The following DST variants were observed in gnomAD, a reference collection of about 807,000 sequenced individuals.
DST encodes bullous pemphigoid antigen.
In DST, 253 loss-of-function variants were observed where a neutral mutation model predicts 875.2. The ratio of observed to expected loss-of-function variants is 0.29; its 90% CI spans 0.26 to 0.32. The LOEUF is 0.32. DST is among the 10% of genes least tolerant of loss of function. The pLI, the probability that DST is intolerant of heterozygous loss-of-function variation, is 1.00. For synonymous variants in DST, 3,124 were observed against 3,197.1 expected (o/e 0.98, Z 0.77); for missense variants, 8,287 against 9,111.6 (o/e 0.91, Z 3.68).
chr6:56,630,470 A>T, intron 30 of DST, 87 bp from the exon 31 acceptor site: 9 of 1,139,232 alleles, frequency 7.9e-6, no homozygotes, highest in South Asian at 1.3e-5. Flanking sequence ...ATGACACATG[A>T]CATAACATGT....
chr6:56,669,350 C>T (rs899745745), intron 10 of DST, among the ~76,000 whole-genome samples: 18 of 149,458 alleles, frequency 1.2e-4, no homozygotes, highest in Non-Finnish European at 2.1e-4. Flanking sequence ...AATCCTAGCA[C>T]TTTGGGAGGC....
rs180773742 is a variant in DST at position 56,529,492 on chromosome 6, C to T, written c.17551G>A (p.Asp5851Asn). The part of the protein sequence containing the change: ...HDKLSKLSVQ[D>N]YSTEGLWKQQ... Reference sequence around the variant, plus strand: ...TTCCATAGCCCCTCAGTGCTGTAATCCTGGACTGAGAGCTTGCTCAGTTTG... The same window carrying T: ...TTCCATAGCCCCTCAGTGCTGTAATTCTGGACTGAGAGCTTGCTCAGTTTG... The change falls in exon 66 of 104, where the codon GAT becomes AAT. Residue 5851 changes from aspartate to asparagine, a missense_variant. By Grantham distance (23) the Asp-to-Asn change is conservative. Transcript: ENST00000680361. The T allele has an allele frequency of 8.1e-6, 13 of 1,604,530 alleles. No individual in the cohort carries two copies. The highest frequency in any genetic ancestry group is 1.3e-5 in the African/African-American group (1 of 74,768).
At chr6:56,754,010 A>G (rs532152197) in intron 4 of DST, among the ~76,000 whole-genome samples, 3 of 152,192 alleles carry the variant, frequency 2.0e-5, no homozygotes, top group Non-Finnish European at 4.4e-5. Flanking sequence ...GCTTCTTAAA[A>G]TGGAGCTTTT....
chr6:56,587,978 C>A (rs371848328), intron 49 of DST, among the ~76,000 whole-genome samples: 2 of 152,002 alleles, frequency 1.3e-5, no homozygotes, highest in South Asian at 2.1e-4. Flanking sequence ...TAAAGACCAT[C>A]GAGACTAGGA....
intron 4 of DST, among the ~76,000 whole-genome samples, chr6:56,763,744 T>TG (rs886550523): frequency 1.1e-5 from 1 of 95,078 alleles, no homozygotes; most frequent in Non-Finnish European, 2.1e-5. Flanking sequence ...TGGGTGGGGG[T>TG]GGGGGGGAGA....
intron 4 of DST, among the ~76,000 whole-genome samples, chr6:56,767,654 TAAAA>T (rs2099637404): frequency 8.4e-6 from 1 of 119,148 alleles, no homozygotes; most frequent in Admixed American, 8.5e-5. Flanking sequence ...AATAAATAAA[TAAAA>T]CAAATAAGTA....
chr6:56,953,555 G>A (rs936172861), intron 2 of DST, among the ~76,000 whole-genome samples: 2 of 152,158 alleles, frequency 1.3e-5, no homozygotes, highest in African/African-American at 2.4e-5. Context: ...CACTTTTAGG[G>A]TTTGCCTTTT....
At chr6:56,630,785 CT>C (rs113335666) in intron 30 of DST, among the ~76,000 whole-genome samples, 421 of 142,900 alleles carry the variant, frequency 2.9e-3, no homozygotes, top group Middle Eastern at 7.3e-3. Flanking sequence ...TAATGTATTT[CT>C]TTTTTTTTTT....
chr6:56,856,021 T>C (rs1023839339), intron 3 of DST, among the ~76,000 whole-genome samples: 1 of 152,234 alleles, frequency 6.6e-6, no homozygotes, highest in Non-Finnish European at 1.5e-5. Flanking sequence ...TACTATATTG[T>C]GTCTTCTACA....
chr6:56,608,745 T>C lies in DST; in HGVS notation c.5883A>G (p.Leu1961=). 6.2e-7 allele frequency: 1 copy of C among 1,610,062 alleles called. No individual in the cohort carries two copies. Among genetic ancestry groups the C allele is most frequent in the Non-Finnish European group, 8.5e-7 (1 of 1,177,984 alleles). The part of the protein sequence containing the change: ...VRPQEGGRIT[L]KCGRNISILR... ...AAATGCTTATGTTTCTTCCACATTT[T>C]AATGTTATTCTACCTCCTTCTTGTG... The change falls in exon 40 of 104, where the codon TTA becomes TTG. Residue 1961 remains leucine, a synonymous_variant. Transcript: ENST00000680361.
chr6:56,675,101 C>A (rs1195466018), intron 9 of DST, among the ~76,000 whole-genome samples: 1 of 152,164 alleles, frequency 6.6e-6, no homozygotes, highest in Non-Finnish European at 1.5e-5. Context: ...AGAAATAAAC[C>A]ATGCATTTAT....
At chr6:56,943,184 T>C (rs937652012) in intron 2 of DST, among the ~76,000 whole-genome samples, 4 of 152,234 alleles carry the variant, frequency 2.6e-5, no homozygotes, top group Non-Finnish European at 5.9e-5. Context: ...TTATGACAGT[T>C]AAAGCAATAC....
chr6:56,517,303 T>C lies in DST; in HGVS notation c.18252A>G (p.Thr6084=). The C allele has an allele frequency of 1.2e-6, 2 of 1,609,876 alleles. No homozygotes were observed. The highest frequency in any genetic ancestry group is 1.7e-6 in the Non-Finnish European group (2 of 1,177,862). The change falls in exon 71 of 104, where the codon ACA becomes ACG. Residue 6084 remains threonine, a splice_region_variant and synonymous_variant. Transcript: ENST00000680361. ...TGTGTCTCAAAATCTCCATGGTGAA[T>C]GTCTGTGATTTACCAAAATAAAGAC... is the stretch of plus-strand genomic sequence containing the variant. ...QTSAQLQVQK[T]FTMEILRHKD...
intron 27 of DST, 37 bp downstream of exon 27, chr6:56,634,095 T>C: frequency 6.2e-7 from 1 of 1,611,362 alleles, no homozygotes; most frequent in Non-Finnish European, 8.5e-7. Flanking sequence ...ATGCACATTT[T>C]TGGACATATC....
In DST at chr6:56,468,964, C is replaced by T; in HGVS notation, c.22569+18G>A. ...AAAAATCATCAGGAACTTGAGAATACATTCCACTGGTTTATACCTGATTTC... is the reference window on the plus strand; with the variant it reads ...AAAAATCATCAGGAACTTGAGAATATATTCCACTGGTTTATACCTGATTTC... On this transcript the variant is annotated intron_variant, in intron 98 of 103. Transcript: ENST00000680361. The T allele has an allele frequency of 6.4e-7, 1 of 1,568,108 alleles. No homozygotes were observed. Among genetic ancestry groups the T allele is most frequent in the Non-Finnish European group, 8.7e-7 (1 of 1,154,350 alleles).
chr6:56,588,986 C>A (rs2098218326), intron 49 of DST, among the ~76,000 whole-genome samples: 1 of 152,138 alleles, frequency 6.6e-6, no homozygotes, highest in Admixed American at 6.5e-5. Context: ...TGAATCTAGA[C>A]CACAGGGACA....
At chr6:56,524,255 T>G (rs1394124902) in intron 69 of DST, among the ~76,000 whole-genome samples, 1 of 151,614 alleles carries the variant, frequency 6.6e-6, no homozygotes, top group African/African-American at 2.4e-5. Context: ...GGAAGACAGG[T>G]ACCTACTACT....
intron 2 of DST, among the ~76,000 whole-genome samples, chr6:56,938,861 A>G (rs1814698978): frequency 6.6e-6 from 1 of 152,248 alleles, no homozygotes; most frequent in African/African-American, 2.4e-5. Context: ...GCCAGAGCTC[A>G]TCAAAGATAC....
intron 4 of DST, among the ~76,000 whole-genome samples, chr6:56,756,599 G>A (rs1356717326): frequency 1.3e-5 from 2 of 152,162 alleles, no homozygotes; most frequent in Non-Finnish European, 2.9e-5. Flanking sequence ...ATGCAAGGTT[G>A]CAAAAGCCAC....
Sources: allele counts gnomAD v4.1 joint callset (sites outside exome capture counted in the v4.1 genomes callset), GRCh38; gene constraint gnomAD v4.1.1; transcripts MANE v1.5; gene names NCBI Gene and HGNC (gene_info 2026-07-23, HGNC 2026-07-21).